The following ERAP1 variants were observed in gnomAD, a reference collection of about 807,000 sequenced individuals.
The protein encoded by ERAP1 is adipocyte-derived leucine aminopeptidase.
Under a neutral mutation model 103.7 loss-of-function variants are expected in ERAP1, and 86 were observed. The ratio of observed to expected loss-of-function variants is 0.83; its 90% CI spans 0.70 to 0.99. The LOEUF is 0.99. Ranked by LOEUF, ERAP1 falls within the 50% of genes least tolerant of loss-of-function variation. The pLI is 0.00. For synonymous variants in ERAP1, 398 were observed against 402.4 expected, an observed-to-expected ratio of 0.99 and a Z score of 0.13; for missense variants, 1,009 against 1,128.4, an observed-to-expected ratio of 0.89 and a Z score of 1.52.
At position 96,762,409 on chromosome 5, in the gene ERAP1, T is replaced by G. The variant is rs781541630; in HGVS notation, c.*791A>C. On this transcript the variant is annotated 3_prime_UTR_variant, in exon 20 of 20. Transcript: ENST00000296754. Reference sequence around the variant, plus strand: ...ATCTTATTTGGGAGATAAATGTTTTTGCGCAGCCACAACTAGAAAGAAAAT... The same window carrying G: ...ATCTTATTTGGGAGATAAATGTTTTGGCGCAGCCACAACTAGAAAGAAAAT... The G allele has an allele frequency of 9.7e-6, 14 of 1,449,112 alleles. No individual in the cohort carries two copies. In the South Asian group the frequency reaches 1.8e-4, roughly 19 times the overall value. The allele number at this position is 1,449,112 out of a possible 1,614,324, so 89.8% of individuals were successfully genotyped here. A position where few individuals can be genotyped will look rare whatever the true frequency, so the allele number is the denominator to read the frequency against.
chr5:96,763,340 C>A, intron 19 of ERAP1: 1 of 755,614 alleles, frequency 1.3e-6, no homozygotes, highest in Admixed American at 1.8e-5. Flanking sequence ...CAGTAAAATG[C>A]CCCGTGTGTG....
the ERAP1 span, among the ~76,000 whole-genome samples, chr5:96,840,098 A>C: frequency 6.6e-6 from 1 of 152,370 alleles, no homozygotes; most frequent in African/African-American, 2.4e-5. Context: ...AACAATTATT[A>C]GATGAAAGGA....
rs1373097231 is a variant in ERAP1, at chr5:96,781,140, G to T, written c.2506C>A (p.Leu836Ile). The T allele has an allele frequency of 8.1e-6, 13 of 1,613,374 alleles. No homozygotes were observed. The highest frequency in any genetic ancestry group is 1.1e-5 in the Non-Finnish European group (13 of 1,179,868). Residue 836 changes from leucine to isoleucine, a missense_variant, in exon 17 of 19, where the codon CTT becomes ATT. Around this residue, in one of 3 missense-constraint regions of ERAP1, gnomAD observed 611 missense variants for 651.7 expected, o/e 0.94. Coordinates refer to ENST00000443439, the MANE Select transcript of ERAP1 (RefSeq NM_001040458.3). Reference protein sequence around the residue: ...KIKTQEFPQILTLIGRNPVGY... With the variant: ...KIKTQEFPQIITLIGRNPVGY... ...ACTGGGTTCCTGCCAATGAGTGTAA[G>T]AATTTGTGGAAACTCCTGAGTTTTT...
intron 10 of ERAP1, 46 bp downstream of exon 10, chr5:96,790,250 G>A (rs1206608140): frequency 1.3e-6 from 2 of 1,570,278 alleles, no homozygotes; most frequent in South Asian, 2.2e-5. Context: ...AGAATATGCA[G>A]TAAAAGAATG....
the ERAP1 span, among the ~76,000 whole-genome samples, chr5:96,924,394 A>G: frequency 6.6e-6 from 1 of 152,198 alleles, no homozygotes; most frequent in South Asian, 2.1e-4. Flanking sequence ...GTCAAATGTA[A>G]TTTTCAGCAC....
At chr5:96,843,366 C>T in the ERAP1 span, among the ~76,000 whole-genome samples, 1 of 152,118 alleles carries the variant, frequency 6.6e-6, no homozygotes, top group Non-Finnish European at 1.5e-5. Context: ...ATCCAAATGT[C>T]TTATTGGTTG....
chr5:96,882,477 A>G, the ERAP1 span, among the ~76,000 whole-genome samples: 4 of 152,216 alleles, frequency 2.6e-5, no homozygotes, highest in African/African-American at 7.2e-5. Flanking sequence ...CACAATGTCA[A>G]TTGAATCTTA....
chr5:96,895,912 T>C, the ERAP1 span, among the ~76,000 whole-genome samples: 2 of 152,188 alleles, frequency 1.3e-5, no homozygotes, highest in Non-Finnish European at 2.9e-5. Flanking sequence ...CAGTACACTA[T>C]AGACAGACAT....
the ERAP1 span, among the ~76,000 whole-genome samples, chr5:96,833,055 G>A: frequency 2.6e-5 from 4 of 152,184 alleles, no homozygotes; most frequent in Non-Finnish European, 5.9e-5. Context: ...AGAGGTCTCA[G>A]CCATGCTGAT....
chr5:96,831,440 C>G, the ERAP1 span, among the ~76,000 whole-genome samples: 1 of 152,210 alleles, frequency 6.6e-6, no homozygotes, highest in Non-Finnish European at 1.5e-5. Context: ...TATTTTCCAT[C>G]CACGCACAGG....
At chr5:96,871,431 T>C in the ERAP1 span, among the ~76,000 whole-genome samples, 2 of 152,230 alleles carry the variant, frequency 1.3e-5, no homozygotes, top group Non-Finnish European at 2.9e-5. Flanking sequence ...TTAGATCTTT[T>C]AGTTAAATTT....
At chr5:96,793,757 T>C (rs1288669592) in intron 6 of ERAP1, 46 bp downstream of exon 6, 6 of 1,525,276 alleles carry the variant, frequency 3.9e-6, no homozygotes, top group Non-Finnish European at 4.5e-6. Flanking sequence ...ATAGAAGCAA[T>C]ATAAATGTAG....
chr5:96,824,876 C>T, the ERAP1 span, among the ~76,000 whole-genome samples: 1 of 152,102 alleles, frequency 6.6e-6, no homozygotes, highest in African/African-American at 2.4e-5. Context: ...TGGCAAAACC[C>T]TATTTCTACC....
the ERAP1 span, among the ~76,000 whole-genome samples, chr5:96,833,192 A>G: frequency 2.0e-5 from 3 of 152,240 alleles, no homozygotes. Context: ...TTGGAGACCA[A>G]TATTTAGACA....
At chr5:96,873,352 C>T in the ERAP1 span, 13 of 456,106 alleles carry the variant, frequency 2.9e-5, no homozygotes, top group African/African-American at 6.0e-5. Context: ...AATCCTGGTG[C>T]GTGGTCCATT....
At chr5:96,914,631 A>ACCAT in the ERAP1 span, among the ~76,000 whole-genome samples, 268 of 152,312 alleles carry the variant, frequency 1.8e-3, 1 homozygote, top group Admixed American at 8.7e-3. Context: ...TAGACTTGGA[A>ACCAT]CCATATTTTT....
the ERAP1 span, among the ~76,000 whole-genome samples, chr5:96,833,734 G>T: frequency 6.6e-6 from 1 of 151,418 alleles, no homozygotes; most frequent in Non-Finnish European, 1.5e-5. Flanking sequence ...GGAGGCGGAG[G>T]TTGCAGTGAA....
chr5:96,909,445 G>C, the ERAP1 span: 4 of 715,594 alleles, frequency 5.6e-6, no homozygotes, highest in African/African-American at 7.1e-5. Context: ...AAAGATAAGA[G>C]AAATACGAAG....
At chr5:96,851,978 T>A in the ERAP1 span, among the ~76,000 whole-genome samples, 1 of 152,138 alleles carries the variant, frequency 6.6e-6, no homozygotes, top group Non-Finnish European at 1.5e-5. Context: ...GTCTGACAGC[T>A]GAGAAGAGCA....
Sources: gnomAD v4.1 joint callset for allele counts (sites outside exome capture counted in the v4.1 genomes callset) on GRCh38, gnomAD v4.1.1 for gene constraint, gnomAD v4.1.1 regional missense constraint, MANE v1.5 for transcripts, NCBI Gene and HGNC (gene_info 2026-07-23, HGNC 2026-07-21) for gene names.